The following AIF1L variants were observed in gnomAD, a reference collection of about 807,000 sequenced individuals.
The protein encoded by AIF1L is allograft inflammatory factor 1 like.
Under a neutral mutation model 20.7 loss-of-function variants are expected in AIF1L, and 12 were observed. That is an observed-to-expected ratio of 0.58 (90% CI 0.37 to 0.94). The LOEUF is 0.94. Among genes scored for constraint, AIF1L ranks in the 40% least tolerant of loss-of-function variants. The pLI is 0.01. For synonymous variants in AIF1L, 76 were observed against 65.1 expected, an observed-to-expected ratio of 1.17 and a Z score of -0.81; for missense variants, 173 against 185.3, an observed-to-expected ratio of 0.93 and a Z score of 0.39.
In AIF1L at chr9:131,121,452, A is replaced by G. The variant is rs1430392650; in HGVS notation, c.*1130A>G. 1 of 244,048 alleles carries G rather than the reference A, an allele frequency of 4.1e-6. No individual in the cohort carries two copies. The highest frequency in any genetic ancestry group is 7.9e-6 in the Non-Finnish European group (1 of 127,186). 15.1% of individuals were successfully genotyped at this position (244,048 alleles called of 1,614,324 possible). A position where few individuals can be genotyped will look rare whatever the true frequency, so the allele number is the denominator to read the frequency against. On this transcript the variant is annotated 3_prime_UTR_variant, in exon 6 of 6. Coordinates refer to ENST00000247291, the MANE Select transcript of AIF1L (RefSeq NM_031426.4). ...ACTGGGGTCACCTGTGTCCTTTCTTATGGACTCGCAGGATTTTAGAACCCT... is the reference window on the plus strand; with the variant it reads ...ACTGGGGTCACCTGTGTCCTTTCTTGTGGACTCGCAGGATTTTAGAACCCT...
rs1364988600 is a variant in AIF1L at position 131,123,090 on chromosome 9, T to C, written c.*2768T>C. The C allele has an allele frequency of 1.3e-5, 2 of 152,232 alleles. No homozygotes were observed. The highest frequency in any genetic ancestry group is 4.8e-5 in the African/African-American group (2 of 41,390). The allele number at this position is 152,232 out of a possible 1,614,324, so 9.4% of individuals were successfully genotyped here. On this transcript the variant is annotated 3_prime_UTR_variant, in exon 6 of 6. Coordinates refer to ENST00000247291, the MANE Select transcript of AIF1L (RefSeq NM_031426.4). ...GTATGTGTGTGCGTGTGCATGGGAG[T>C]GTGCGTGGACTGGGATATCATCTCT...
intron 5 of AIF1L, among the ~76,000 whole-genome samples, chr9:131,118,549 CT>C (rs111644082): frequency 2.0e-3 from 275 of 139,134 alleles, no homozygotes; most frequent in East Asian, 3.2e-3. Context: ...CTTAGTTTTC[CT>C]TTTTTTTTTT....
At chr9:131,111,344 G>A in intron 2 of AIF1L, 1 of 435,862 alleles carries the variant, frequency 2.3e-6, no homozygotes, top group Non-Finnish European at 4.1e-6. Flanking sequence ...TGTAGCTGCT[G>A]GCTGGAGGGC....
At chr9:131,112,384 C>A in intron 3 of AIF1L, 1 of 152,426 alleles carries the variant, frequency 6.6e-6, no homozygotes. Flanking sequence ...AGCATCCTCC[C>A]GGCTCCAGGG....
rs117181550 is a variant in AIF1L, at chr9:131,120,723, G to T, written c.*401G>T. 2.6e-3 allele frequency: 797 copies of T among 304,706 alleles called. 3 individuals are homozygous for T. Among genetic ancestry groups the T allele is most frequent in the Non-Finnish European group, 3.7e-3 (617 of 165,736 alleles). 18.9% of individuals were successfully genotyped at this position (304,706 alleles called of 1,614,324 possible). A position where few individuals can be genotyped will look rare whatever the true frequency, so the allele number is the denominator to read the frequency against. ...GACCTGGCTCTGACGAGGACCCCAG[G>T]CCACTCTGAGAAGACCTTGGAGTAG... On this transcript the variant is annotated 3_prime_UTR_variant, in exon 6 of 6. Coordinates refer to ENST00000247291, the MANE Select transcript of AIF1L (RefSeq NM_031426.4).
chr9:131,096,599 G>T lies in AIF1L; in HGVS notation c.-31G>T. The T allele has an allele frequency of 3.4e-6, 5 of 1,485,184 alleles. No homozygotes were observed. Among genetic ancestry groups the T allele is most frequent in the Non-Finnish European group, 4.4e-6 (5 of 1,126,042 alleles). The allele number at this position is 1,485,184 out of a possible 1,614,324, so 92.0% of individuals were successfully genotyped here. A position where few individuals can be genotyped will look rare whatever the true frequency, so the allele number is the denominator to read the frequency against. On this transcript the variant is annotated 5_prime_UTR_variant, in exon 1 of 6. Transcript: ENST00000247291. ...CCTCGTCCCTCGCCGCGTCCGCGAA[G>T]CCTGGAGCCGGCGGGAGCCCCGCGC...
chr9:131,107,415 T>C (rs1289114225), intron 2 of AIF1L, among the ~76,000 whole-genome samples: 1 of 152,254 alleles, frequency 6.6e-6, no homozygotes, highest in Non-Finnish European at 1.5e-5. Flanking sequence ...CGGTCCAGGC[T>C]GAGGCAGGAT....
chr9:131,096,598 A>T lies in AIF1L; in HGVS notation c.-32A>T. The T allele has an allele frequency of 1.3e-6, 2 of 1,484,500 alleles. No individual in the cohort carries two copies. Among genetic ancestry groups the T allele is most frequent in the Non-Finnish European group, 1.8e-6 (2 of 1,125,744 alleles). The allele number at this position is 1,484,500 out of a possible 1,614,324, so 92.0% of individuals were successfully genotyped here. A position where few individuals can be genotyped will look rare whatever the true frequency, so the allele number is the denominator to read the frequency against. ...TCCTCGTCCCTCGCCGCGTCCGCGA[A>T]GCCTGGAGCCGGCGGGAGCCCCGCG... On this transcript the variant is annotated 5_prime_UTR_variant, in exon 1 of 6. The change creates a new upstream start codon in the 5' untranslated region. Transcript: ENST00000247291.
At chr9:131,119,472 G>C (rs1304139068) in intron 5 of AIF1L, among the ~76,000 whole-genome samples, 1 of 147,504 alleles carries the variant, frequency 6.8e-6, no homozygotes. Flanking sequence ...TTGCCCTCCA[G>C]CCTGGGCGGC....
At chr9:131,099,835 T>C (rs2133372714) in intron 2 of AIF1L, among the ~76,000 whole-genome samples, 1 of 151,076 alleles carries the variant, frequency 6.6e-6, no homozygotes, top group East Asian at 2.0e-4. Context: ...CAAGCGATTC[T>C]CCTGCCTCAG....
At chr9:131,118,030 G>T (rs1235430811) in intron 5 of AIF1L, 112 bp downstream of exon 5, 11 of 1,128,518 alleles carry the variant, frequency 9.7e-6, no homozygotes, top group Non-Finnish European at 1.2e-5. Flanking sequence ...AACTCATTGT[G>T]CGACCTGCTG....
At chr9:131,104,653 G>A (rs1830705508) in intron 2 of AIF1L, among the ~76,000 whole-genome samples, 1 of 152,200 alleles carries the variant, frequency 6.6e-6, no homozygotes, top group African/African-American at 2.4e-5. Flanking sequence ...CTAATCTGCT[G>A]AATAGTCTGT....
intron 2 of AIF1L, 41 bp downstream of exon 2, chr9:131,096,904 C>T: frequency 1.3e-6 from 2 of 1,497,880 alleles, no homozygotes; most frequent in Non-Finnish European, 1.8e-6. Context: ...TCCCGAGCCG[C>T]GCGCTGCGCG....
intron 3 of AIF1L, chr9:131,112,572 A>G (rs931823511): frequency 2.6e-5 from 4 of 152,202 alleles, no homozygotes; most frequent in Admixed American, 2.0e-4. Context: ...AAGATGGCGC[A>G]CTTGTTAATG....
chr9:131,099,055 G>A (rs894402480), intron 2 of AIF1L, among the ~76,000 whole-genome samples: 7 of 152,180 alleles, frequency 4.6e-5, no homozygotes, highest in African/African-American at 1.7e-4. Flanking sequence ...GTGACTCTGG[G>A]CAAGCCACTC....
chr9:131,120,089 G>C (rs1831102582), intron 5 of AIF1L, 146 bp from the exon 6 acceptor site: 1 of 702,436 alleles, frequency 1.4e-6, no homozygotes, highest in Non-Finnish European at 2.3e-6. Flanking sequence ...GCTGTCTTGG[G>C]CTTCTGCAAG....
Position 131,116,486 on chromosome 9 carries a change from A to G in AIF1L, c.203-1270A>G, listed in dbSNP as rs548527673. Among the ~76,000 whole-genome samples, 609 of 151,988 alleles carry G rather than the reference A, an allele frequency of 4.0e-3. 3 individuals carry two copies. The highest frequency in any genetic ancestry group is 0.01 in the South Asian group (48 of 4,800). ...ACCATGTTGGCCAGGCTGGACTCAA[A>G]CTCCTGGCCTCAAGTGATCCGCCTG... On this transcript the variant is annotated intron_variant, in intron 4 of 5. Transcript: ENST00000247291.
chr9:131,101,349 T>G (rs1830636629), intron 2 of AIF1L, among the ~76,000 whole-genome samples: 1 of 151,884 alleles, frequency 6.6e-6, no homozygotes, highest in South Asian at 2.1e-4. Context: ...AGGATTATCA[T>G]GACTCCTTTT....
chr9:131,106,252 C>T, intron 2 of AIF1L: 3 of 1,533,208 alleles, frequency 2.0e-6, no homozygotes, highest in Non-Finnish European at 2.6e-6. Flanking sequence ...TGCTTGCTGG[C>T]TCTGCTGTTT....
Sources: gnomAD v4.1 joint callset for allele counts (sites outside exome capture counted in the v4.1 genomes callset) on GRCh38, gnomAD v4.1.1 for gene constraint, MANE v1.5 for transcripts, NCBI Gene and HGNC (gene_info 2026-07-23, HGNC 2026-07-21) for gene names.